Variants in ZC3H3 observed in about 807,000 individuals in gnomAD.
ZC3H3 encodes zinc finger CCCH-type containing 3, also known as zinc finger CCCH domain-containing protein 3.
ZC3H3 carries 36 observed loss-of-function variants against 77.3 expected under a neutral mutation model. The ratio of observed to expected loss-of-function variants is 0.47; its 90% CI spans 0.36 to 0.61. ZC3H3 has a LOEUF of 0.61. Among genes scored for constraint, ZC3H3 ranks in the 20% least tolerant of loss-of-function variants. The pLI, the probability that ZC3H3 is intolerant of heterozygous loss-of-function variation, is 0.00. For missense variants in ZC3H3, 1,331 were observed against 1,312.2 expected (o/e 1.01, Z -0.22); for synonymous variants, 626 against 555.2 (o/e 1.13, Z -1.79).
intron 9 of ZC3H3, among the ~76,000 whole-genome samples, chr8:143,452,348 C>T (rs913452654): frequency 6.6e-5 from 10 of 152,308 alleles, no homozygotes; most frequent in Non-Finnish European, 8.8e-5. Context: ...CCACCCTCCA[C>T]AGTGTCAATG....
chr8:143,471,544 C>A (rs1340534241), intron 5 of ZC3H3, among the ~76,000 whole-genome samples: 2 of 152,238 alleles, frequency 1.3e-5, no homozygotes, highest in Non-Finnish European at 2.9e-5. Context: ...ACCACAGGAG[C>A]CATCAGGCTC....
At chr8:143,463,280 C>T (rs190740117) in intron 9 of ZC3H3, among the ~76,000 whole-genome samples, 134 of 149,994 alleles carry the variant, frequency 8.9e-4, no homozygotes, top group Middle Eastern at 3.8e-3. Context: ...CCACCGCGCC[C>T]GGCCCAGACC....
intron 5 of ZC3H3, among the ~76,000 whole-genome samples, chr8:143,474,720 C>G (rs1369321207): frequency 6.6e-6 from 1 of 151,616 alleles, no homozygotes; most frequent in Non-Finnish European, 1.5e-5. Flanking sequence ...CAATCTCCCT[C>G]TTTTTTTTTG....
chr8:143,476,876 G>A (rs1820749254), intron 4 of ZC3H3, among the ~76,000 whole-genome samples: 1 of 152,234 alleles, frequency 6.6e-6, no homozygotes, highest in Non-Finnish European at 1.5e-5. Flanking sequence ...ATCCACAGCC[G>A]CAGGAGACCC....
At chr8:143,523,596 G>A (rs1822319473) in intron 3 of ZC3H3, 1 of 957,176 alleles carries the variant, frequency 1.0e-6, no homozygotes, top group Non-Finnish European at 1.2e-6. Flanking sequence ...CAGAATTCCA[G>A]GACATCCGTT....
At chr8:143,519,803 A>T (rs1482377637) in intron 3 of ZC3H3, among the ~76,000 whole-genome samples, 1 of 152,104 alleles carries the variant, frequency 6.6e-6, no homozygotes, top group Non-Finnish European at 1.5e-5. Context: ...CACAGGACTC[A>T]TCACGGGCCC....
At position 143,530,247 on chromosome 8, in the gene ZC3H3, C is replaced by G. The variant is rs1822559157; in HGVS notation, c.1561+6010G>C. Among the ~76,000 whole-genome samples the G allele has an allele frequency of 6.6e-6, 1 of 152,150 alleles. No individual in the cohort carries two copies. The highest frequency in any genetic ancestry group is 6.5e-5 in the Admixed American group (1 of 15,290). On this transcript the variant is annotated intron_variant, in intron 3 of 11. Coordinates refer to ENST00000262577, the MANE Select transcript of ZC3H3 (RefSeq NM_015117.3). This position sits in a 1 kb window ranked among gnomAD's most constrained non-coding sequence, Gnocchi z 4.3. ...GACCTGCCAGGCCCGCACCCTCCAC[C>G]AGCACACTGGCGACAAGTCTGGGAA...
At chr8:143,534,523 G>A (rs951755234) in intron 3 of ZC3H3, among the ~76,000 whole-genome samples, 21 of 152,098 alleles carry the variant, frequency 1.4e-4, no homozygotes, top group African/African-American at 3.4e-4. Context: ...CAGGCCAGGT[G>A]AGCAGGGCTG....
intron 11 of ZC3H3, 111 bp from the exon 12 acceptor site, chr8:143,438,198 A>C: frequency 7.2e-7 from 1 of 1,380,980 alleles, no homozygotes; most frequent in Non-Finnish European, 1.0e-6. Context: ...GCCCAAGCAC[A>C]CACAGCAAGG....
rs747466397 is a variant in ZC3H3, at chr8:143,438,221, C to T, written c.2816-134G>A. ...ACACACAGCAAGGTCTGCAGAGATA[C>T]CCTCCTGAGTTCGAGGGAGAAGAGC... On this transcript the variant is annotated intron_variant, in intron 11 of 11. Transcript: ENST00000262577. 34 of 1,163,778 alleles carry T rather than the reference C, an allele frequency of 2.9e-5. No individual in the cohort carries two copies. In the East Asian group the frequency reaches 3.9e-4, roughly 13 times the overall value. 72.1% of individuals were successfully genotyped at this position (1,163,778 alleles called of 1,614,324 possible). A position where few individuals can be genotyped will look rare whatever the true frequency, so the allele number is the denominator to read the frequency against.
intron 3 of ZC3H3, among the ~76,000 whole-genome samples, chr8:143,509,774 G>A (rs958692999): frequency 1.1e-4 from 16 of 152,300 alleles, no homozygotes; most frequent in African/African-American, 3.6e-4. Context: ...GGGCCCCGGG[G>A]GTTCATGTTC....
Position 143,541,395 on chromosome 8 carries a change from C to A in ZC3H3, c.27G>T (p.Arg9=). 5 of 1,611,962 alleles carry A rather than the reference C, an allele frequency of 3.1e-6. No homozygotes were observed. The highest frequency in any genetic ancestry group is 4.2e-6 in the Non-Finnish European group (5 of 1,179,494). The change falls in exon 1 of 12, where the codon CGG becomes CGT. Residue 9 remains arginine (R), a synonymous_variant. Coordinates refer to ENST00000262577, the MANE Select transcript of ZC3H3 (RefSeq NM_015117.3). Reference sequence around the variant, plus strand: ...ACCTACCCTGCAGTAGGCGGATCTGCCGCCGTAATATCTCCTTTTCCTCCA... The same window carrying A: ...ACCTACCCTGCAGTAGGCGGATCTGACGCCGTAATATCTCCTTTTCCTCCA... The part of the protein sequence containing the change: MEEKEILR[R]QIRLLQGLID...
intron 9 of ZC3H3, among the ~76,000 whole-genome samples, chr8:143,453,850 G>A (rs947306893): frequency 2.6e-5 from 4 of 152,140 alleles, no homozygotes; most frequent in Admixed American, 1.3e-4. Context: ...AGGGAGATGA[G>A]GGAAGGTAGG....
chr8:143,507,852 T>C lies in ZC3H3; in HGVS notation c.1609A>G (p.Lys537Glu). 3 of 1,609,970 alleles carry C rather than the reference T, an allele frequency of 1.9e-6. No individual in the cohort carries two copies. The highest frequency in any genetic ancestry group is 1.1e-5 in the South Asian group (1 of 90,784). Residue 537 changes from lysine to glutamate, a missense_variant, in exon 4 of 12, where the codon AAG becomes GAG. Physicochemically the swap from Lys to Glu is moderately conservative, Grantham distance 56 (BLOSUM62 1). Around this residue, in one of 3 missense-constraint regions of ZC3H3, gnomAD observed 978 missense variants for 915.5 expected, o/e 1.07. Coordinates refer to ENST00000262577, the MANE Select transcript of ZC3H3 (RefSeq NM_015117.3). ...VRTAPTSKVIKTRYRIVKKTP... is the reference protein window; with the variant it reads ...VRTAPTSKVIETRYRIVKKTP... ...TTCTTGACAATGCGGTAGCGGGTCTTGATCACCTTGCTGGTGGGTGCAGTC... is the reference window on the plus strand; with the variant it reads ...TTCTTGACAATGCGGTAGCGGGTCTCGATCACCTTGCTGGTGGGTGCAGTC...
At position 143,438,008 on chromosome 8, in the gene ZC3H3, C is replaced by G. The variant is rs1819629730; in HGVS notation, c.*48G>C. 1 of 1,594,164 alleles carries G rather than the reference C, an allele frequency of 6.3e-7. No homozygotes were observed. Among genetic ancestry groups the G allele is most frequent in the African/African-American group, 1.3e-5 (1 of 74,674 alleles). ...GAGTGGTGGACAGAGCCTCTTTCCTCTCCAAGGATGAGGGTCTGAGGTAGG... is the reference window on the plus strand; with the variant it reads ...GAGTGGTGGACAGAGCCTCTTTCCTGTCCAAGGATGAGGGTCTGAGGTAGG... On this transcript the variant is annotated 3_prime_UTR_variant, in exon 12 of 12. Coordinates refer to ENST00000262577, the MANE Select transcript of ZC3H3 (RefSeq NM_015117.3).
intron 3 of ZC3H3, among the ~76,000 whole-genome samples, chr8:143,528,777 C>T (rs1402646229): frequency 6.6e-6 from 1 of 152,218 alleles, no homozygotes; most frequent in Non-Finnish European, 1.5e-5. Context: ...CCATGGCCTG[C>T]CCATGGGGCC....
chr8:143,538,078 A>G lies in ZC3H3; in HGVS notation c.1289T>C (p.Leu430Pro). ...AGCCGAGAGCGGGGTCTCCCCAGAG[A>G]GGGGCTTCAAGCCACTGTGTCCTAC... ...PAVGHSGLKP[L>P]SGETPLSAYK... The change falls in exon 2 of 12, where the codon CTC becomes CCC. Residue 430 changes from leucine to proline, a missense_variant. By Grantham distance (98) the Leu-to-Pro change is moderately conservative. This residue lies in a region of ZC3H3 where 978 missense variants were observed against 915.5 expected (regional missense o/e 1.07). Coordinates refer to ENST00000262577, the MANE Select transcript of ZC3H3 (RefSeq NM_015117.3). The G allele has an allele frequency of 6.2e-7, 1 of 1,612,898 alleles. No homozygotes were observed. The highest frequency in any genetic ancestry group is 2.2e-5 in the East Asian group (1 of 44,872).
At chr8:143,458,959 GAAA>G (rs1003789607) in intron 9 of ZC3H3, among the ~76,000 whole-genome samples, 1 of 128,970 alleles carries the variant, frequency 7.8e-6, no homozygotes, top group African/African-American at 2.9e-5. Flanking sequence ...TGTTCTTCAA[GAAA>G]AAAAAAAAGA....
At chr8:143,517,173 C>T (rs185570589) in intron 3 of ZC3H3, among the ~76,000 whole-genome samples, 1 of 152,348 alleles carries the variant, frequency 6.6e-6, no homozygotes, top group East Asian at 1.9e-4. Flanking sequence ...AGCCATCGAT[C>T]GCACGCCGAC....
Sources: gnomAD v4.1 joint callset for allele counts (sites outside exome capture counted in the v4.1 genomes callset) on GRCh38, gnomAD v4.1.1 for gene constraint, gnomAD v4.1.1 regional missense constraint, Gnocchi (gnomAD v3.1) non-coding constraint, MANE v1.5 for transcripts, NCBI Gene and HGNC (gene_info 2026-07-23, HGNC 2026-07-21) for gene names.